LAMA2: variants seen among roughly 807,000 people sequenced by gnomAD.
LAMA2 encodes laminin subunit alpha 2.
In LAMA2, 269 loss-of-function variants were observed where a neutral mutation model predicts 364.8. The observed-to-expected ratio is 0.74, with a 90% CI of 0.67 to 0.82. LAMA2 has a LOEUF of 0.82. Ranked by LOEUF, LAMA2 falls within the 40% of genes least tolerant of loss-of-function variation. The pLI, the probability that LAMA2 is intolerant of heterozygous loss-of-function variation, is 0.00. For synonymous variants in LAMA2, 1,379 were observed against 1,370.6 expected, an observed-to-expected ratio of 1.01 and a Z score of -0.14; for missense variants, 3,807 against 3,873.2, an observed-to-expected ratio of 0.98 and a Z score of 0.45.
chr6:129,401,069 G>A (rs1482097675), intron 37 of LAMA2, among the ~76,000 whole-genome samples, 155 bp from the exon 38 acceptor site: 1 of 152,142 alleles, frequency 6.6e-6, no homozygotes, highest in African/African-American at 2.4e-5. Flanking sequence ...TCAAGGACTG[G>A]CTAAGTAGTT....
At chr6:129,311,015 A>G (rs1774186245) in intron 22 of LAMA2, among the ~76,000 whole-genome samples, 1 of 152,176 alleles carries the variant, frequency 6.6e-6, no homozygotes, top group Admixed American at 6.5e-5. Context: ...AAAGCTAGTC[A>G]GAAGGGTGCC....
intron 2 of LAMA2, among the ~76,000 whole-genome samples, chr6:129,059,109 A>G (rs1419410529): frequency 1.3e-5 from 2 of 152,210 alleles, no homozygotes; most frequent in East Asian, 3.9e-4. Context: ...TCCTGGTGGG[A>G]TCAGACTGTA....
At position 129,391,664 on chromosome 6, in the gene LAMA2, G is replaced by A. The variant is rs778196377; in HGVS notation, c.5234+11G>A. 23 of 1,609,264 alleles carry A rather than the reference G, an allele frequency of 1.4e-5. No individual in the cohort carries two copies. Among genetic ancestry groups the A allele is most frequent in the Non-Finnish European group, 2.0e-5 (23 of 1,176,128 alleles). ...TGAAGATGAGTTGGTGTGAGTAGAT[G>A]AGTTATTATTTTTTCTTTTGACAAA... On this transcript the variant is annotated intron_variant, in intron 36 of 64. Coordinates refer to ENST00000421865, the MANE Select transcript of LAMA2 (RefSeq NM_000426.4).
chr6:129,250,389 T>C (rs542970729), intron 13 of LAMA2, among the ~76,000 whole-genome samples, 176 bp downstream of exon 13: 14 of 152,234 alleles, frequency 9.2e-5, no homozygotes, highest in African/African-American at 3.4e-4. Context: ...ATCTAGAAGA[T>C]TGAGTATATT....
At chr6:129,125,726 C>T (rs1005837147) in intron 4 of LAMA2, among the ~76,000 whole-genome samples, 1 of 152,090 alleles carries the variant, frequency 6.6e-6, no homozygotes, top group African/African-American at 2.4e-5. Flanking sequence ...AAAACTTGCA[C>T]AGCATGGTGA....
At chr6:128,937,474 G>A (rs968318698) in intron 1 of LAMA2, among the ~76,000 whole-genome samples, 1 of 151,668 alleles carries the variant, frequency 6.6e-6, no homozygotes, top group East Asian at 1.9e-4. Context: ...CTCATTATCA[G>A]GTACTCATTA....
intron 13 of LAMA2, among the ~76,000 whole-genome samples, chr6:129,251,054 CTCTCTCTCTCTCTCTCTCTCTCTATATA>C (rs1786169768): frequency 2.7e-5 from 2 of 73,040 alleles, no homozygotes; most frequent in Non-Finnish European, 5.9e-5. Flanking sequence ...CTCTCTCTCT[CTCTCTCTCTCTCTCTCTCTCTCTATATA>C]TATATATATA....
chr6:128,907,849 G>T (rs1416201317), intron 1 of LAMA2, among the ~76,000 whole-genome samples: 4 of 152,024 alleles, frequency 2.6e-5, no homozygotes, highest in South Asian at 2.1e-4. Context: ...CATGAAGTGT[G>T]GTTGAATTTT....
At chr6:128,929,477 A>C in intron 1 of LAMA2, 1 of 839,760 alleles carries the variant, frequency 1.2e-6, no homozygotes. Flanking sequence ...TCCATTTGAC[A>C]GACAGACTCT....
At chr6:129,174,434 T>C (rs544424409) in intron 9 of LAMA2, among the ~76,000 whole-genome samples, 1 of 152,178 alleles carries the variant, frequency 6.6e-6, no homozygotes, top group African/African-American at 2.4e-5. Context: ...TGCATTTTTA[T>C]TTCTCTTCTA....
chr6:129,374,406 AG>A (rs1325086363), intron 34 of LAMA2, among the ~76,000 whole-genome samples: 1 of 152,152 alleles, frequency 6.6e-6, no homozygotes, highest in Non-Finnish European at 1.5e-5. Context: ...AATTACCAGG[AG>A]CCCTATCTCA....
intron 27 of LAMA2, 68 bp downstream of exon 27, chr6:129,316,239 A>ACT (rs1774599596): frequency 8.1e-7 from 1 of 1,232,810 alleles, no homozygotes; most frequent in African/African-American, 1.5e-5. Context: ...TGACCTACAG[A>ACT]TATCAGATAA....
chr6:129,443,474 T>G (rs7768702), intron 44 of LAMA2, among the ~76,000 whole-genome samples: 1 of 152,106 alleles, frequency 6.6e-6, no homozygotes, highest in South Asian at 2.1e-4. Flanking sequence ...AGTGGAAAAC[T>G]GAATTTCTCT....
intron 1 of LAMA2, among the ~76,000 whole-genome samples, chr6:129,010,583 C>T (rs140710079): frequency 5.8e-4 from 89 of 152,298 alleles, no homozygotes; most frequent in African/African-American, 2.0e-3. Flanking sequence ...AAGGTCATAA[C>T]GTGAAATTGA....
chr6:128,913,085 A>G (rs1778089829), intron 1 of LAMA2, among the ~76,000 whole-genome samples: 2 of 152,220 alleles, frequency 1.3e-5, no homozygotes, highest in Admixed American at 6.5e-5. Flanking sequence ...TAAGCTAAAA[A>G]TTAAAAATTT....
chr6:128,976,750 T>G (rs991387451), intron 1 of LAMA2, among the ~76,000 whole-genome samples: 1 of 152,188 alleles, frequency 6.6e-6, no homozygotes, highest in Non-Finnish European at 1.5e-5. Context: ...ATACGAATCC[T>G]AAGAAATTCT....
chr6:129,460,147 A>C, intron 48 of LAMA2, 53 bp from the exon 49 acceptor site: 1 of 1,577,538 alleles, frequency 6.3e-7, no homozygotes, highest in Non-Finnish European at 8.7e-7. Context: ...GGATAAACCA[A>C]GATTATTTGT....
chr6:129,337,869 A>G (rs1776043504), intron 29 of LAMA2, among the ~76,000 whole-genome samples: 2 of 152,152 alleles, frequency 1.3e-5, no homozygotes, highest in African/African-American at 2.4e-5. Context: ...GCTAATTTTT[A>G]TATAAGAAAA....
At chr6:129,027,698 T>A (rs1168630882) in intron 1 of LAMA2, among the ~76,000 whole-genome samples, 1 of 151,908 alleles carries the variant, frequency 6.6e-6, no homozygotes, top group Non-Finnish European at 1.5e-5. Context: ...AAAGAAATAC[T>A]AAATTTAGAC....
Sources: gnomAD v4.1 joint callset for allele counts (sites outside exome capture counted in the v4.1 genomes callset) on GRCh38, gnomAD v4.1.1 for gene constraint, MANE v1.5 for transcripts, NCBI Gene and HGNC (gene_info 2026-07-23, HGNC 2026-07-21) for gene names.